Variants in PREP observed in about 807,000 individuals in gnomAD.
The protein encoded by PREP is dJ355L5.1 (prolyl endopeptidase).
A neutral mutation model predicts 87.6 loss-of-function variants in PREP; 29 were observed. The observed-to-expected ratio is 0.33, with a 90% confidence interval of 0.25 to 0.45. PREP has a LOEUF of 0.45. Among genes scored for constraint, PREP ranks in the 20% least tolerant of loss-of-function variants. PREP has a pLI of 1.00. For missense variants in PREP, 695 were observed against 886.5 expected, an observed-to-expected ratio of 0.78 and a Z score of 2.74; for synonymous variants, 337 against 328.6, an observed-to-expected ratio of 1.03 and a Z score of -0.28.
chr6:105,319,244 A>C (rs1770946064), intron 10 of PREP, among the ~76,000 whole-genome samples: 1 of 152,240 alleles, frequency 6.6e-6, no homozygotes, highest in African/African-American at 2.4e-5. Context: ...AATCAATGTT[A>C]ACTACTTATA....
At chr6:105,351,751 G>C (rs906886878) in intron 7 of PREP, among the ~76,000 whole-genome samples, 2 of 152,170 alleles carry the variant, frequency 1.3e-5, no homozygotes, top group Admixed American at 1.3e-4. Flanking sequence ...GAAGACCTAT[G>C]CTTGCAACTC....
chr6:105,307,397 A>T (rs1238975705), intron 10 of PREP, among the ~76,000 whole-genome samples: 1 of 152,022 alleles, frequency 6.6e-6, no homozygotes, highest in African/African-American at 2.4e-5. Context: ...CCAGGTTCCC[A>T]CAGAACCTGT....
At chr6:105,390,814 T>C (rs1321109553) in intron 2 of PREP, among the ~76,000 whole-genome samples, 1 of 152,140 alleles carries the variant, frequency 6.6e-6, no homozygotes, top group Non-Finnish European at 1.5e-5. Flanking sequence ...GACTACCTGG[T>C]ACCACATGGG....
intron 9 of PREP, among the ~76,000 whole-genome samples, chr6:105,326,946 T>G (rs1298435131): frequency 6.6e-6 from 1 of 152,200 alleles, no homozygotes; most frequent in Non-Finnish European, 1.5e-5. Flanking sequence ...TTTCATTGTT[T>G]GGCACAGAAC....
chr6:105,375,734 G>A (rs1413747894), intron 4 of PREP, among the ~76,000 whole-genome samples: 1 of 152,166 alleles, frequency 6.6e-6, no homozygotes, highest in African/African-American at 2.4e-5. Flanking sequence ...ATTCTTTCCT[G>A]TTTAATATTA....
chr6:105,350,104 G>A (rs568030238), intron 7 of PREP, among the ~76,000 whole-genome samples: 3 of 151,984 alleles, frequency 2.0e-5, no homozygotes, highest in Non-Finnish European at 1.5e-5. Flanking sequence ...CTTTGAATCT[G>A]CAGATAGACT....
At chr6:105,376,841 C>T (rs1562222597) in intron 3 of PREP, among the ~76,000 whole-genome samples, 2 of 152,172 alleles carry the variant, frequency 1.3e-5, no homozygotes, top group Non-Finnish European at 2.9e-5. Flanking sequence ...GTTTGGTAGG[C>T]AGACTGTACG....
At chr6:105,334,695 G>A (rs1771433210) in intron 7 of PREP, among the ~76,000 whole-genome samples, 3 of 119,754 alleles carry the variant, frequency 2.5e-5, no homozygotes, top group Non-Finnish European at 5.0e-5. Flanking sequence ...TCCAGCCTGA[G>A]CAGAGTGAGA....
intron 10 of PREP, among the ~76,000 whole-genome samples, chr6:105,311,174 T>G (rs1392492410): frequency 6.6e-6 from 1 of 152,216 alleles, no homozygotes; most frequent in Non-Finnish European, 1.5e-5. Context: ...TCTCTCTGCT[T>G]CCTTATCACC....
At position 105,354,521 on chromosome 6, in the gene PREP, G is replaced by GTT. The variant is rs77387653; in HGVS notation, c.718-1446_718-1445dup. On this transcript the variant is annotated intron_variant, in intron 6 of 14. Transcript: ENST00000652536. ...GGATGTTAGTTTAGATGTTTGTGAA[G>GTT]TTTTTTTTTTTTTTTAAGATAAGAT... Among the ~76,000 whole-genome samples the GTT allele has an allele frequency of 1.0e-2, 1,439 of 144,320 alleles. 18 individuals are homozygous for GTT. The highest frequency in any genetic ancestry group is 0.051 in the Middle Eastern group (14 of 272). The allele number at this position is 144,320 out of a possible 152,430, so 94.7% of individuals were successfully genotyped here. A position where few individuals can be genotyped will look rare whatever the true frequency, so the allele number is the denominator to read the frequency against.
rs574245911 is a variant in PREP at position 105,308,883 on chromosome 6, G to C, written c.1317+14782C>G. ...CTGGTGATGAGTGCAATGGAGATAC[G>C]GGTAAGTGAGTGGGGAAGGGCTGCT... is the stretch of plus-strand genomic sequence containing the variant. On this transcript the variant is annotated intron_variant, in intron 10 of 14. Coordinates refer to ENST00000652536, the MANE Select transcript of PREP (RefSeq NM_002726.5). Among the ~76,000 whole-genome samples, 4 of 152,234 alleles carry C rather than the reference G, an allele frequency of 2.6e-5. No individual in the cohort carries two copies. The South Asian group carries it at 8.3e-4, about 32-fold the overall frequency.
Position 105,278,184 on chromosome 6 carries a change from G to A in PREP, c.2093C>T (p.Ala698Val), listed in dbSNP as rs752036483. Residue 698 changes from alanine (A) to valine (V), a missense_variant, in exon 15 of 15, where the codon GCG becomes GTG. Ala to Val is a moderately conservative substitution (Grantham distance 64). Around this residue, in one of 5 missense-constraint regions of PREP, gnomAD observed 121 missense variants for 154.8 expected, o/e 0.78. Transcript: ENST00000652536. The surrounding 1 kb of genome is among the most constrained non-coding windows in gnomAD (Gnocchi z 4.2). ...GACGTTCAGGCACCGCGCGATGAAC[G>A]CAAACATGTCTGAGACTTCCTCTAT... ...KVIEEVSDMF[A>V]FIARCLNVDW... is the part of the protein sequence containing the mutation. 4 of 1,613,864 alleles carry A rather than the reference G, an allele frequency of 2.5e-6. No individual in the cohort carries two copies. Among genetic ancestry groups the A allele is most frequent in the Non-Finnish European group, 3.4e-6 (4 of 1,179,912 alleles).
At chr6:105,340,164 G>C (rs1440635162) in intron 7 of PREP, among the ~76,000 whole-genome samples, 1 of 152,194 alleles carries the variant, frequency 6.6e-6, no homozygotes, top group African/African-American at 2.4e-5. Flanking sequence ...AACCCACAAA[G>C]GGAAGCCCAT....
At chr6:105,353,183 G>A in intron 6 of PREP, 106 bp from the exon 7 acceptor site, 1 of 825,208 alleles carries the variant, frequency 1.2e-6, no homozygotes, top group African/African-American at 1.7e-5. Context: ...CAAAGGCAGT[G>A]TCTCTGCCCC....
intron 10 of PREP, among the ~76,000 whole-genome samples, chr6:105,294,624 C>A (rs80294125): frequency 1.3e-5 from 2 of 152,138 alleles, no homozygotes; most frequent in African/African-American, 4.8e-5. Flanking sequence ...GTAAAGAAGG[C>A]GAGCTGCATA....
chr6:105,355,370 G>A (rs1486787013), intron 6 of PREP, among the ~76,000 whole-genome samples: 1 of 152,104 alleles, frequency 6.6e-6, no homozygotes, highest in Non-Finnish European at 1.5e-5. Context: ...GCCCAGCCAA[G>A]GCTGTAGTTT....
chr6:105,302,797 A>T, intron 10 of PREP: 1 of 454,546 alleles, frequency 2.2e-6, no homozygotes, highest in South Asian at 1.7e-5. Context: ...CCTTCCCGTG[A>T]AGGTCCCGAG....
chr6:105,312,180 C>T (rs1243337947), intron 10 of PREP, among the ~76,000 whole-genome samples: 1 of 152,158 alleles, frequency 6.6e-6, no homozygotes, highest in East Asian at 1.9e-4. Flanking sequence ...TCACAATCAC[C>T]CTCTACCTGA....
chr6:105,367,241 G>A (rs903363148), intron 6 of PREP, among the ~76,000 whole-genome samples: 6 of 152,024 alleles, frequency 3.9e-5, no homozygotes, highest in African/African-American at 9.7e-5. Context: ...TCATATCTAT[G>A]GTACGCAGAA....
Sources: gnomAD v4.1 joint callset for allele counts (sites outside exome capture counted in the v4.1 genomes callset) on GRCh38, gnomAD v4.1.1 for gene constraint, gnomAD v4.1.1 regional missense constraint, Gnocchi (gnomAD v3.1) non-coding constraint, MANE v1.5 for transcripts, NCBI Gene and HGNC (gene_info 2026-07-23, HGNC 2026-07-21) for gene names.